TEAD4: variants seen among roughly 807,000 people sequenced by gnomAD.
TEAD4 encodes the protein transcriptional enhancer factor TEF-3.
TEAD4 carries 36 observed loss-of-function variants against 52.4 expected under a neutral mutation model. The ratio of observed to expected loss-of-function variants is 0.69; its 90% CI spans 0.53 to 0.91. The LOEUF is 0.91. Among genes scored for constraint, TEAD4 ranks in the 40% least tolerant of loss-of-function variants. The pLI, the probability that TEAD4 is intolerant of heterozygous loss-of-function variation, is 0.00. For missense variants in TEAD4, 508 were observed against 583.9 expected (o/e 0.87, Z 1.34); for synonymous variants, 220 against 231.0 (o/e 0.95, Z 0.43).
At chr12:2,993,842 C>A (rs1000205431) in intron 2 of TEAD4, among the ~76,000 whole-genome samples, 11 of 152,122 alleles carry the variant, frequency 7.2e-5, no homozygotes, top group Admixed American at 4.6e-4. Context: ...TTGTAACTGG[C>A]GTGTTTCACT....
At chr12:2,990,773 C>T (rs536016271) in intron 2 of TEAD4, among the ~76,000 whole-genome samples, 84 of 152,096 alleles carry the variant, frequency 5.5e-4, no homozygotes, top group African/African-American at 1.9e-3. Flanking sequence ...GCCCAGAGAA[C>T]GCCTGGCCCA....
At chr12:2,987,235 A>C (rs1469318880) in intron 2 of TEAD4, among the ~76,000 whole-genome samples, 1 of 152,108 alleles carries the variant, frequency 6.6e-6, no homozygotes, top group East Asian at 1.9e-4. Flanking sequence ...TCCCCCAAGG[A>C]GTCTGTTTAG....
At chr12:3,033,414 A>G (rs2098277133) in intron 10 of TEAD4, among the ~76,000 whole-genome samples, 1 of 152,214 alleles carries the variant, frequency 6.6e-6, no homozygotes, top group Non-Finnish European at 1.5e-5. Context: ...CCGCAAGTCC[A>G]GCAGAGGCCA....
intron 3 of TEAD4, among the ~76,000 whole-genome samples, chr12:2,997,474 G>A (rs923189168): frequency 3.3e-5 from 5 of 152,146 alleles, no homozygotes; most frequent in Non-Finnish European, 7.3e-5. Flanking sequence ...GGGACCCCCC[G>A]GGCTCTGCTT....
intron 3 of TEAD4, among the ~76,000 whole-genome samples, chr12:3,000,997 T>C (rs1217318463): frequency 6.6e-6 from 1 of 152,282 alleles, no homozygotes; most frequent in African/African-American, 2.4e-5. Flanking sequence ...CCTCTTTGCT[T>C]TGTTGCCCTG....
intron 8 of TEAD4, 36 bp downstream of exon 8, chr12:3,019,206 G>GTGGGGGAC: frequency 6.2e-7 from 1 of 1,610,386 alleles, no homozygotes; most frequent in Non-Finnish European, 8.5e-7. Context: ...TTCTATCGCA[G>GTGGGGGAC]CCATGTGGCT....
At chr12:2,960,775 A>T (rs537224299) in intron 2 of TEAD4, among the ~76,000 whole-genome samples, 1 of 152,184 alleles carries the variant, frequency 6.6e-6, no homozygotes, top group East Asian at 1.9e-4. Context: ...TCTCTTGAGT[A>T]TGTGTTTCTC....
intron 10 of TEAD4, among the ~76,000 whole-genome samples, chr12:3,028,913 G>C: frequency 6.6e-6 from 1 of 151,998 alleles, no homozygotes; most frequent in East Asian, 1.9e-4. Flanking sequence ...TTACACGTGT[G>C]AGCCGCTGTC....
intron 5 of TEAD4, among the ~76,000 whole-genome samples, chr12:3,016,873 A>G (rs2098264924): frequency 1.3e-5 from 2 of 152,094 alleles, no homozygotes; most frequent in African/African-American, 4.8e-5. Context: ...GGGTATTTAC[A>G]CTCTGACACA....
chr12:2,993,214 C>G (rs528976206), intron 2 of TEAD4, among the ~76,000 whole-genome samples: 1 of 152,354 alleles, frequency 6.6e-6, no homozygotes, highest in East Asian at 1.9e-4. Context: ...TCCAGAACTT[C>G]TTCATCGTGC....
chr12:3,011,971 T>C (rs2153956674), intron 4 of TEAD4, among the ~76,000 whole-genome samples, 199 bp from the exon 5 acceptor site: 1 of 152,366 alleles, frequency 6.6e-6, no homozygotes, highest in South Asian at 2.1e-4. Context: ...CTGCCGGCAC[T>C]GCACTTTTGA....
chr12:2,982,039 C>G (rs565406087), intron 2 of TEAD4, among the ~76,000 whole-genome samples: 5 of 151,956 alleles, frequency 3.3e-5, no homozygotes, highest in Admixed American at 2.6e-4. Context: ...GCTCTGGGAG[C>G]GTGAGATGGA....
chr12:3,025,051 T>C lies in TEAD4; in HGVS notation c.897+3034T>C, dbSNP rs905652187. On this transcript the variant is annotated intron_variant, in intron 10 of 12. Transcript: ENST00000359864. ...CCTGTACCTCCCTGGTTCAAGCAAT[T>C]CCCCTGCCTCAGCCTCCCGAGTAGC... Among the ~76,000 whole-genome samples the C allele has an allele frequency of 5.9e-5, 9 of 151,926 alleles. No individual in the cohort carries two copies. The East Asian group carries it at 1.7e-3, about 29-fold the overall frequency.
chr12:2,979,690 C>T (rs533990696), intron 2 of TEAD4, among the ~76,000 whole-genome samples: 1 of 152,194 alleles, frequency 6.6e-6, no homozygotes, highest in Non-Finnish European at 1.5e-5. Flanking sequence ...GTACTTGCAT[C>T]TTCATAGATG....
At chr12:3,023,994 A>G (rs1383452566) in intron 10 of TEAD4, among the ~76,000 whole-genome samples, 1 of 152,094 alleles carries the variant, frequency 6.6e-6, no homozygotes, top group East Asian at 1.9e-4. Flanking sequence ...GGTAGAAAAA[A>G]TTAGCTGTGT....
At chr12:2,968,641 G>GT (rs765848373) in intron 2 of TEAD4, among the ~76,000 whole-genome samples, 19 of 150,984 alleles carry the variant, frequency 1.3e-4, no homozygotes, top group African/African-American at 2.4e-4. Flanking sequence ...CCAGGCTGGT[G>GT]TTTTTTTTGT....
intron 5 of TEAD4, among the ~76,000 whole-genome samples, 180 bp downstream of exon 5, chr12:3,012,412 G>C (rs2098261054): frequency 6.6e-6 from 1 of 152,170 alleles, no homozygotes; most frequent in African/African-American, 2.4e-5. Flanking sequence ...CAAGTGTGTG[G>C]ATGCCTGGCT....
chr12:3,008,680 C>T (rs2098257800), intron 3 of TEAD4, among the ~76,000 whole-genome samples: 1 of 152,150 alleles, frequency 6.6e-6, no homozygotes, highest in African/African-American at 2.4e-5. Flanking sequence ...GGTAGAGCCA[C>T]ACCAGACTCA....
chr12:3,014,942 C>T (rs1380670485), intron 5 of TEAD4, among the ~76,000 whole-genome samples: 1 of 152,246 alleles, frequency 6.6e-6, no homozygotes, highest in Non-Finnish European at 1.5e-5. Flanking sequence ...CCAAGTCCCT[C>T]ATGCCCTCCT....
Sources: gnomAD v4.1 joint callset for allele counts (sites outside exome capture counted in the v4.1 genomes callset) on GRCh38, gnomAD v4.1.1 for gene constraint, MANE v1.5 for transcripts, NCBI Gene and HGNC (gene_info 2026-07-23, HGNC 2026-07-21) for gene names.